Variants in ZNF407 observed in about 807,000 individuals in gnomAD.
The protein encoded by ZNF407 is zinc finger protein 407.
ZNF407 carries 17 observed loss-of-function variants against 131.2 expected under a neutral mutation model. The observed-to-expected ratio is 0.13, with a 90% CI of 0.09 to 0.19. The LOEUF (loss-of-function observed/expected upper bound fraction) is 0.19. ZNF407 is among the 10% of genes least tolerant of loss of function. The pLI is 1.00. For synonymous variants in ZNF407, 1,156 were observed against 1,062.0 expected (o/e 1.09, Z -1.72); for missense variants, 2,681 against 2,830.6 (o/e 0.95, Z 1.20).
intron 2 of ZNF407, among the ~76,000 whole-genome samples, chr18:74,638,150 A>AGATACGGAGTGTGTGACTT (rs1270939892): frequency 6.6e-6 from 1 of 152,182 alleles, no homozygotes; most frequent in Non-Finnish European, 1.5e-5. Context: ...TGTTCCAGGG[A>AGATACGGAGTGTGTGACTT]GATACGGAGT....
intron 8 of ZNF407, among the ~76,000 whole-genome samples, chr18:74,929,049 T>C (rs1971949334): frequency 6.6e-6 from 1 of 152,188 alleles, no homozygotes. Flanking sequence ...AACACAGCTT[T>C]TGATGGTAAC....
rs1328070615 is a variant in ZNF407, at chr18:75,064,023, G to A, written c.6302G>A (p.Gly2101Asp). ...TAAAGQLVKDGVTQVVVSEEG... is the reference protein window; with the variant it reads ...TAAAGQLVKDDVTQVVVSEEG... ...GCGGCCGGCCAGTTGGTCAAGGACG[G>A]TGTCACCCAGGTGGTGGTGAGCGAA... The change falls in exon 9 of 9, where the codon GGT (glycine) becomes GAT (aspartate). Residue 2101 changes from glycine to aspartate, a missense_variant. Physicochemically the swap from Gly to Asp is moderately conservative, Grantham distance 94 (BLOSUM62 -1). This residue lies in a region of ZNF407 where 620 missense variants were observed against 583.1 expected (regional missense o/e 1.06). Coordinates refer to ENST00000299687, the MANE Select transcript of ZNF407 (RefSeq NM_017757.3). 1 of 1,605,626 alleles carries A rather than the reference G, an allele frequency of 6.2e-7. No homozygotes were observed.
intron 3 of ZNF407, among the ~76,000 whole-genome samples, chr18:74,734,900 G>A (rs1240866240): frequency 2.0e-5 from 3 of 151,990 alleles, no homozygotes; most frequent in Admixed American, 1.3e-4. Flanking sequence ...TTCTAGCATA[G>A]GAATGATCTC....
At chr18:74,663,979 A>G (rs1292338680) in intron 3 of ZNF407, among the ~76,000 whole-genome samples, 1 of 152,228 alleles carries the variant, frequency 6.6e-6, no homozygotes, top group Non-Finnish European at 1.5e-5. Context: ...GCTGTGCCAC[A>G]AACTATAACT....
At chr18:74,880,979 A>G in intron 5 of ZNF407, 57 bp from the exon 6 acceptor site, 3 of 1,430,570 alleles carry the variant, frequency 2.1e-6, no homozygotes, top group Non-Finnish European at 2.9e-6. Context: ...GCCTTGATAG[A>G]TATGTTTTAA....
At chr18:74,952,684 G>A (rs997367856) in intron 8 of ZNF407, among the ~76,000 whole-genome samples, 3 of 152,180 alleles carry the variant, frequency 2.0e-5, no homozygotes, top group Non-Finnish European at 2.9e-5. Flanking sequence ...TTTTATTGAG[G>A]CATAATTAAC....
At chr18:74,763,658 T>G (rs29001613) in intron 3 of ZNF407, among the ~76,000 whole-genome samples, 3,240 of 151,760 alleles carry the variant, frequency 0.021, 102 homozygotes, top group African/African-American at 0.067. Flanking sequence ...TAGTCTTCAT[T>G]TTTTCCTTGC....
chr18:74,833,205 T>C (rs1379036677), intron 4 of ZNF407, among the ~76,000 whole-genome samples: 1 of 152,196 alleles, frequency 6.6e-6, no homozygotes, highest in Non-Finnish European at 1.5e-5. Flanking sequence ...CAGCACAGTC[T>C]CTCTTAGCAG....
intron 3 of ZNF407, among the ~76,000 whole-genome samples, chr18:74,693,935 A>T (rs763749151): frequency 1.3e-5 from 2 of 151,944 alleles, no homozygotes; most frequent in Non-Finnish European, 2.9e-5. Flanking sequence ...TCTTTCAGTT[A>T]TTTTTTTAAC....
chr18:74,745,750 A>C (rs527258932), intron 3 of ZNF407, among the ~76,000 whole-genome samples: 1 of 152,172 alleles, frequency 6.6e-6, no homozygotes, highest in Admixed American at 6.6e-5. Flanking sequence ...CTGAGAGTCT[A>C]GTTTTGCCTC....
intron 4 of ZNF407, among the ~76,000 whole-genome samples, chr18:74,787,731 T>C (rs1285654757): frequency 6.6e-6 from 1 of 152,268 alleles, no homozygotes; most frequent in Non-Finnish European, 1.5e-5. Flanking sequence ...TAGCTTTCAG[T>C]TATTTCCATT....
At position 75,064,654 on chromosome 18, in the gene ZNF407, T is replaced by G. The variant is rs12326956; in HGVS notation, c.*186T>G. ...AGCCAGGCGCCCACAGAGGGTACCG[T>G]GGGCTGGGCCTCGGGGAGCAGGCTG... On this transcript the variant is annotated 3_prime_UTR_variant, in exon 9 of 9. Transcript: ENST00000299687. 7.5e-3 allele frequency: 4,108 copies of G among 545,180 alleles called. 64 individuals carry two copies. The highest frequency in any genetic ancestry group is 0.041 in the African/African-American group (2,220 of 53,620). The allele number at this position is 545,180 out of a possible 1,614,324, so 33.8% of individuals were successfully genotyped here.
intron 3 of ZNF407, among the ~76,000 whole-genome samples, chr18:74,696,753 T>C (rs1967367537): frequency 6.6e-6 from 1 of 152,162 alleles, no homozygotes; most frequent in African/African-American, 2.4e-5. Flanking sequence ...AATGTGGTAG[T>C]AATATGGAAA....
intron 1 of ZNF407, among the ~76,000 whole-genome samples, chr18:74,600,573 G>A (rs1308865635): frequency 6.6e-6 from 1 of 152,168 alleles, no homozygotes; most frequent in African/African-American, 2.4e-5. Context: ...GCTGTGGGTA[G>A]CCCTAAAAGC....
chr18:74,790,463 T>G (rs1969805285), intron 4 of ZNF407, among the ~76,000 whole-genome samples: 1 of 152,314 alleles, frequency 6.6e-6, no homozygotes, highest in Non-Finnish European at 1.5e-5. Flanking sequence ...AGATTTGGGG[T>G]ATAAGAATAT....
intron 4 of ZNF407, chr18:74,804,156 T>A: frequency 6.7e-7 from 1 of 1,483,318 alleles, no homozygotes; most frequent in South Asian, 1.4e-5. Context: ...TTTTTCCTTT[T>A]ATCTGTGTAC....
intron 4 of ZNF407, among the ~76,000 whole-genome samples, chr18:74,837,255 T>G (rs1405656190): frequency 6.6e-6 from 1 of 152,174 alleles, no homozygotes; most frequent in Non-Finnish European, 1.5e-5. Context: ...TATCCCCCTT[T>G]TGTTCGCTTT....
At chr18:74,803,683 A>G (rs1412215998) in intron 4 of ZNF407, among the ~76,000 whole-genome samples, 1 of 152,254 alleles carries the variant, frequency 6.6e-6, no homozygotes, top group Non-Finnish European at 1.5e-5. Flanking sequence ...CAGAAAACAT[A>G]CAAGCTTATT....
intron 1 of ZNF407, among the ~76,000 whole-genome samples, chr18:74,599,041 G>A (rs1254111352): frequency 3.3e-5 from 5 of 152,222 alleles, no homozygotes; most frequent in Admixed American, 2.6e-4. Flanking sequence ...TTGTGGTGAA[G>A]TGCTGGTCCA....
Sources: allele counts gnomAD v4.1 joint callset (sites outside exome capture counted in the v4.1 genomes callset), GRCh38; gene constraint gnomAD v4.1.1; regional missense constraint gnomAD v4.1.1; transcripts MANE v1.5; gene names NCBI Gene and HGNC (gene_info 2026-07-23, HGNC 2026-07-21).